DOCK7: variants seen among roughly 807,000 people sequenced by gnomAD.
DOCK7 encodes the protein dedicator of cytokinesis 7, also known as dedicator of cytokinesis protein 7.
A neutral mutation model predicts 271.0 loss-of-function variants in DOCK7; 138 were observed. The ratio of observed to expected loss-of-function variants is 0.51; its 90% confidence interval spans 0.44 to 0.59. The LOEUF (loss-of-function observed/expected upper bound fraction) is 0.59, where lower values mean the gene tolerates loss of function less well. Among genes scored for constraint, DOCK7 ranks in the 20% least tolerant of loss-of-function variants. The probability of loss-of-function intolerance (pLI) is 0.00; values close to 1 mark genes in which losing one functional copy is unlikely to be tolerated. For synonymous variants in DOCK7, 823 were observed against 876.1 expected (o/e 0.94, Z 1.07); for missense variants, 2,066 against 2,592.4 (o/e 0.80, Z 4.41).
At chr1:62,576,292 T>C (rs1156431387) in intron 18 of DOCK7, among the ~76,000 whole-genome samples, 3 of 152,220 alleles carry the variant, frequency 2.0e-5, no homozygotes, top group Non-Finnish European at 2.9e-5. Flanking sequence ...AGAATAATCA[T>C]AGATGACTTC....
chr1:62,504,440 CAT>C, intron 37 of DOCK7, among the ~76,000 whole-genome samples, 188 bp downstream of exon 37: 1 of 151,112 alleles, frequency 6.6e-6, no homozygotes, highest in East Asian at 1.9e-4. Context: ...CATACGTACA[CAT>C]GATATGCACA....
At chr1:62,643,409 A>T (rs1656274146) in intron 7 of DOCK7, among the ~76,000 whole-genome samples, 1 of 152,230 alleles carries the variant, frequency 6.6e-6, no homozygotes, top group East Asian at 1.9e-4. Flanking sequence ...TTTGTGGTCA[A>T]CAATTATTTT....
chr1:62,510,625 C>T lies in DOCK7; in HGVS notation c.4331G>A (p.Trp1444Ter). 1.2e-6 allele frequency: 2 copies of T among 1,613,214 alleles called. No homozygotes were observed. The highest frequency in any genetic ancestry group is 1.7e-6 in the Non-Finnish European group (2 of 1,179,488). The change falls in exon 34 of 50, where the codon TGG becomes TAG. Residue 1444 changes from tryptophan to a stop codon, truncating the protein, a stop_gained. Coordinates refer to ENST00000635253, the MANE Select transcript of DOCK7 (RefSeq NM_001367561.1). LOFTEE classifies it high-confidence loss of function. The stretch of plus-strand genomic sequence containing the variant: ...ACGCCAGTGAGTCATATCTTTCCTC[C>T]ACCTCAAATTTTCTTGACTTCCAAA... ...SAFGSQENLR[W>*]RKDMTHWRQN...
chr1:62,475,985 A>G (rs765191177), intron 45 of DOCK7, 42 bp from the exon 46 acceptor site: 5 of 1,604,052 alleles, frequency 3.1e-6, no homozygotes, highest in Non-Finnish European at 4.3e-6. Context: ...CTGTTAAGTC[A>G]TCATTTAGTC....
At chr1:62,531,925 G>GCT (rs750255590) in intron 29 of DOCK7, among the ~76,000 whole-genome samples, 3 of 152,184 alleles carry the variant, frequency 2.0e-5, no homozygotes, top group Admixed American at 6.5e-5. Context: ...CTGTTCTCAT[G>GCT]CTCTCACATG....
intron 1 of DOCK7, among the ~76,000 whole-genome samples, chr1:62,685,241 G>C (rs1187476799): frequency 1.3e-5 from 2 of 152,208 alleles, no homozygotes; most frequent in Non-Finnish European, 1.5e-5. Context: ...AAACGAGGCA[G>C]AAGTGTGGTC....
At chr1:62,462,605 A>G (rs906904175) in intron 48 of DOCK7, among the ~76,000 whole-genome samples, 3 of 152,244 alleles carry the variant, frequency 2.0e-5, no homozygotes, top group South Asian at 2.1e-4. Context: ...TGCTTTTTAA[A>G]TAAGTGGTAA....
intron 14 of DOCK7, among the ~76,000 whole-genome samples, chr1:62,588,941 T>A (rs1003315750): frequency 6.6e-6 from 1 of 152,086 alleles, no homozygotes; most frequent in African/African-American, 2.4e-5. Flanking sequence ...GGAGTCTTAC[T>A]ATGTTGCCCA....
At chr1:62,597,343 A>G (rs1649404878) in intron 14 of DOCK7, 1 of 467,572 alleles carries the variant, frequency 2.1e-6, no homozygotes. Context: ...CAAATTACCT[A>G]TTAAGTTAGT....
chr1:62,513,447 G>A lies in DOCK7; in HGVS notation c.4279C>T (p.Pro1427Ser), dbSNP rs761569534. ...AGGAAATTGAAGAAATTCTCACCAG[G>A]AGGAGAAGCTATTGTGTACGTACCG... ...QLGTYTIASP[P>S]ERSPSGSAFG... is the part of the protein sequence containing the mutation. The change falls in exon 33 of 50, where the codon CCT becomes TCT. Residue 1427 changes from proline (P) to serine (S), a missense_variant. Physicochemically the swap from Pro to Ser is moderately conservative, Grantham distance 74 (BLOSUM62 -1). This residue lies in a region of DOCK7 where 652 missense variants were observed against 922.1 expected (regional missense o/e 0.71). Coordinates refer to ENST00000635253, the MANE Select transcript of DOCK7 (RefSeq NM_001367561.1). 8.2e-6 allele frequency: 13 copies of A among 1,587,550 alleles called. No homozygotes were observed. In the South Asian group the frequency reaches 1.4e-4, roughly 17 times the overall value.
chr1:62,616,816 TAAG>T (rs1652494739), intron 14 of DOCK7, among the ~76,000 whole-genome samples: 1 of 151,532 alleles, frequency 6.6e-6, no homozygotes, highest in Non-Finnish European at 1.5e-5. Flanking sequence ...TAGGGCAAAA[TAAG>T]ACGCAAAAGA....
At chr1:62,480,627 A>C (rs928400640) in intron 43 of DOCK7, among the ~76,000 whole-genome samples, 2 of 152,218 alleles carry the variant, frequency 1.3e-5, no homozygotes, top group Admixed American at 1.3e-4. Flanking sequence ...GGGAAGGCAG[A>C]TACAAATATT....
intron 13 of DOCK7, among the ~76,000 whole-genome samples, chr1:62,619,558 A>G (rs187803682): frequency 1.3e-5 from 2 of 152,340 alleles, no homozygotes; most frequent in Admixed American, 1.3e-4. Context: ...ATAACAATAT[A>G]CTATAATAAA....
At chr1:62,618,195 C>T (rs1332389905) in intron 14 of DOCK7, among the ~76,000 whole-genome samples, 1 of 152,050 alleles carries the variant, frequency 6.6e-6, no homozygotes. Context: ...TATCTGACAA[C>T]GTCATGTCAA....
At chr1:62,666,276 T>C (rs2149726845) in intron 1 of DOCK7, among the ~76,000 whole-genome samples, 1 of 152,336 alleles carries the variant, frequency 6.6e-6, no homozygotes, top group Admixed American at 6.5e-5. Flanking sequence ...CATCAGTTAA[T>C]TGAAGATTTC....
chr1:62,508,207 A>T (rs977254959), intron 34 of DOCK7, 149 bp from the exon 35 acceptor site: 4 of 699,136 alleles, frequency 5.7e-6, no homozygotes, highest in Admixed American at 3.5e-5. Context: ...AAAAGGCAGT[A>T]GTTTACACAT....
rs1649212158 is a variant in DOCK7 at position 62,596,167 on chromosome 1, G to A, written c.1683-9543C>T. On this transcript the variant is annotated intron_variant, in intron 14 of 49. Transcript: ENST00000635253. ...CTGTTTGCCCAGCACTGTTCTAAGT[G>A]CTCTACATGTATTATTGTTAAATTA... Among the ~76,000 whole-genome samples the A allele has an allele frequency of 2.0e-5, 3 of 151,410 alleles. No homozygotes were observed. The South Asian group carries it at 6.2e-4, about 31-fold the overall frequency.
chr1:62,486,251 A>T (rs1646289631), intron 43 of DOCK7: 1 of 152,166 alleles, frequency 6.6e-6, no homozygotes, highest in South Asian at 2.1e-4. Context: ...TACTGGCTTC[A>T]TCTAAAGAAA....
At chr1:62,531,748 T>C (rs1645180677) in intron 29 of DOCK7, among the ~76,000 whole-genome samples, 1 of 152,254 alleles carries the variant, frequency 6.6e-6, no homozygotes, top group Admixed American at 6.5e-5. Context: ...CAATGCTGCA[T>C]ATAATCTATA....
Sources: gnomAD v4.1 joint callset for allele counts (sites outside exome capture counted in the v4.1 genomes callset) on GRCh38, gnomAD v4.1.1 for gene constraint, gnomAD v4.1.1 regional missense constraint, MANE v1.5 for transcripts, NCBI Gene and HGNC (gene_info 2026-07-23, HGNC 2026-07-21) for gene names.